MAPK6: variants seen among roughly 807,000 people sequenced by gnomAD.
MAPK6 encodes mitogen-activated protein kinase 6.
Under a neutral mutation model 59.3 loss-of-function variants are expected in MAPK6, and 19 were observed. The ratio of observed to expected loss-of-function variants is 0.32; its 90% CI spans 0.22 to 0.47. MAPK6 has a LOEUF of 0.47. Among genes scored for constraint, MAPK6 ranks in the 20% least tolerant of loss-of-function variants. The pLI is 1.00. For missense variants in MAPK6, 724 were observed against 847.9 expected (o/e 0.85, Z 1.81); for synonymous variants, 316 against 290.3 (o/e 1.09, Z -0.90).
chr15:52,012,754 C>A (rs979067039), intron 3 of MAPK6, among the ~76,000 whole-genome samples: 1 of 151,440 alleles, frequency 6.6e-6, no homozygotes, highest in African/African-American at 2.4e-5. Context: ...TTTGGGAGGC[C>A]GAGGTGGGCG....
At chr15:52,047,766 G>T (rs1207479228) in intron 2 of MAPK6, among the ~76,000 whole-genome samples, 1 of 151,898 alleles carries the variant, frequency 6.6e-6, no homozygotes, top group Non-Finnish European at 1.5e-5. Flanking sequence ...GAGGCTAAAG[G>T]TGCATGCCAG....
chr15:52,032,714 C>T (rs1444911290), intron 1 of MAPK6, among the ~76,000 whole-genome samples: 1 of 151,840 alleles, frequency 6.6e-6, no homozygotes, highest in Non-Finnish European at 1.5e-5. Flanking sequence ...CACGGACTTT[C>T]GCTCTTGTTG....
At chr15:52,047,535 A>G (rs151130469) in intron 2 of MAPK6, among the ~76,000 whole-genome samples, 43 of 151,994 alleles carry the variant, frequency 2.8e-4, no homozygotes, top group Non-Finnish European at 4.0e-4. Context: ...TTTAGTAGAC[A>G]GGGTTTCACC....
At chr15:51,983,293 C>G (rs1468849788) in exon 2 of MAPK6, among the ~76,000 whole-genome samples, 3 of 151,706 alleles carry the variant, frequency 2.0e-5, no homozygotes, top group African/African-American at 4.8e-5. Context: ...TCGAGACCAG[C>G]CTGACCAACA....
chr15:52,021,997 A>G (rs1469280745), intron 1 of MAPK6, among the ~76,000 whole-genome samples: 1 of 152,124 alleles, frequency 6.6e-6, no homozygotes, highest in Non-Finnish European at 1.5e-5. Context: ...GCTTAAAATA[A>G]GATTGAGAGG....
chr15:52,048,682 A>G (rs772665817), intron 2 of MAPK6, among the ~76,000 whole-genome samples: 10 of 152,096 alleles, frequency 6.6e-5, no homozygotes, highest in Non-Finnish European at 1.5e-4. Context: ...TAATCTCAGC[A>G]CTTTAGGAGG....
chr15:52,027,869 T>G (rs979628199), intron 1 of MAPK6: 1 of 151,644 alleles, frequency 6.6e-6, no homozygotes, highest in Non-Finnish European at 1.5e-5. Context: ...GCGTCCCAGA[T>G]TCAGGTGATT....
intron 1 of MAPK6, among the ~76,000 whole-genome samples, chr15:52,045,479 A>C (rs1349047475): frequency 6.6e-6 from 1 of 152,186 alleles, no homozygotes; most frequent in Non-Finnish European, 1.5e-5. Context: ...ATTCTTTTAG[A>C]TATTTAGATA....
intron 5 of MAPK6, 126 bp downstream of exon 5, chr15:52,061,626 C>A (rs954543100): frequency 4.0e-6 from 3 of 757,320 alleles, no homozygotes; most frequent in South Asian, 3.9e-5. Context: ...TGTAAAGATA[C>A]AAAAATTAGT....
At chr15:51,979,215 GA>G (rs1437410391) in intron 1 of MAPK6, among the ~76,000 whole-genome samples, 2 of 111,212 alleles carry the variant, frequency 1.8e-5, no homozygotes, top group South Asian at 2.7e-4. Context: ...AAAGAAGAAA[GA>G]AAAAAAGAGA....
intron 1 of MAPK6, among the ~76,000 whole-genome samples, chr15:51,972,684 T>C (rs2057138667): frequency 6.7e-6 from 1 of 148,972 alleles, no homozygotes; most frequent in Non-Finnish European, 1.5e-5. Context: ...TAGCCGGGCG[T>C]GGTTGTGGGC....
intron 1 of MAPK6, chr15:52,027,841 T>C: frequency 6.6e-6 from 1 of 151,712 alleles, no homozygotes; most frequent in East Asian, 1.9e-4. Context: ...GGCACGATCT[T>C]GGCTCACTGC....
intron 2 of MAPK6, among the ~76,000 whole-genome samples, chr15:52,047,245 G>A (rs959215923): frequency 6.6e-6 from 1 of 152,044 alleles, no homozygotes; most frequent in Non-Finnish European, 1.5e-5. Flanking sequence ...AAAGTGTATG[G>A]TTATTTATTA....
Position 52,046,192 on chromosome 15 carries a change from T to C in MAPK6, c.-269T>C, listed in dbSNP as rs1211781526. On this transcript the variant is annotated 5_prime_UTR_variant, in exon 2 of 6. It removes an upstream start codon present in the reference 5' UTR. Coordinates refer to ENST00000261845, the MANE Select transcript of MAPK6 (RefSeq NM_002748.4). ...GTTTGAGTTTCTTGTTTTCGTTAAA[T>C]GTCTGCAGAGTTGCTGCCCCTTTCT... 3.2e-6 allele frequency: 1 copy of C among 315,360 alleles called. No homozygotes were observed. Among genetic ancestry groups the C allele is most frequent in the African/African-American group, 2.2e-5 (1 of 46,124 alleles). 19.5% of individuals were successfully genotyped at this position (315,360 alleles called of 1,614,324 possible).
chr15:52,050,827 T>C (rs1391971284), intron 3 of MAPK6, among the ~76,000 whole-genome samples: 1 of 152,164 alleles, frequency 6.6e-6, no homozygotes, highest in Non-Finnish European at 1.5e-5. Flanking sequence ...AGTATAAGCC[T>C]GGTGCATTCA....
chr15:51,972,820 AAAT>A (rs1350232869), intron 1 of MAPK6, among the ~76,000 whole-genome samples: 4 of 151,020 alleles, frequency 2.6e-5, no homozygotes, highest in Non-Finnish European at 5.9e-5. Context: ...CATCTCAAAA[AAAT>A]AATAATAATA....
chr15:52,061,341 A>G lies in MAPK6; in HGVS notation c.908A>G (p.Asp303Gly). The change falls in exon 5 of 6, where the codon GAT (aspartate) becomes GGT (glycine). Residue 303 changes from aspartate to glycine, a missense_variant. Asp to Gly is a moderately conservative substitution (Grantham distance 94). Around this residue, in one of 4 missense-constraint regions of MAPK6, gnomAD observed 502 missense variants for 507.6 expected, o/e 0.99. Coordinates refer to ENST00000261845, the MANE Select transcript of MAPK6 (RefSeq NM_002748.4). ...CAAATTTTGACATTTAGCCCCATGGATCGGTTAACAGCAGAAGAAGCACTC... is the reference window on the plus strand; with the variant it reads ...CAAATTTTGACATTTAGCCCCATGGGTCGGTTAACAGCAGAAGAAGCACTC... ...LEQILTFSPMDRLTAEEALSH... is the reference protein window; with the variant it reads ...LEQILTFSPMGRLTAEEALSH... The G allele has an allele frequency of 6.2e-7, 1 of 1,614,094 alleles. No individual in the cohort carries two copies. Among genetic ancestry groups the G allele is most frequent in the Non-Finnish European group, 8.5e-7 (1 of 1,179,988 alleles).
At chr15:52,045,039 C>T (rs1418968250) in intron 1 of MAPK6, among the ~76,000 whole-genome samples, 1 of 142,940 alleles carries the variant, frequency 7.0e-6, no homozygotes, top group Non-Finnish European at 1.5e-5. Context: ...GAGGTTGTTT[C>T]TAATTTTCTT....
chr15:52,004,304 CA>C (rs1390246615), exon 3 of MAPK6: 3 of 152,142 alleles, frequency 2.0e-5, no homozygotes, highest in Non-Finnish European at 4.4e-5. Context: ...AAGCAGTATC[CA>C]TAAGCCTTCA....
Sources: gnomAD v4.1 joint callset for allele counts (sites outside exome capture counted in the v4.1 genomes callset) on GRCh38, gnomAD v4.1.1 for gene constraint, gnomAD v4.1.1 regional missense constraint, MANE v1.5 for transcripts, NCBI Gene and HGNC (gene_info 2026-07-23, HGNC 2026-07-21) for gene names.